The following MEGF11 variants were observed in gnomAD, a reference collection of about 807,000 sequenced individuals.
MEGF11 encodes the protein multiple epidermal growth factor-like domains protein 11.
A neutral mutation model predicts 146.6 loss-of-function variants in MEGF11; 126 were observed. That is an observed-to-expected ratio of 0.86 (90% CI 0.74 to 1.00). The LOEUF is 1.00. Ranked by LOEUF, MEGF11 falls within the 50% of genes least tolerant of loss-of-function variation. MEGF11 has a pLI of 0.00. For missense variants in MEGF11, 1,509 were observed against 1,521.2 expected, an observed-to-expected ratio of 0.99 and a Z score of 0.13; for synonymous variants, 532 against 583.4, an observed-to-expected ratio of 0.91 and a Z score of 1.27.
chr15:65,913,614 G>C (rs2078888016), intron 20 of MEGF11, 123 bp downstream of exon 20: 2 of 832,982 alleles, frequency 2.4e-6, no homozygotes, highest in Non-Finnish European at 3.9e-6. Context: ...CATCCCCACT[G>C]TCACTCTAGG....
chr15:65,900,233 GGAT>G (rs1326642457), intron 24 of MEGF11, among the ~76,000 whole-genome samples: 1 of 152,176 alleles, frequency 6.6e-6, no homozygotes, highest in Non-Finnish European at 1.5e-5. Context: ...TGAAATTCTT[GGAT>G]GATCTGTCAC....
At chr15:66,005,746 G>T (rs1032303491) in intron 5 of MEGF11, among the ~76,000 whole-genome samples, 1 of 152,224 alleles carries the variant, frequency 6.6e-6, no homozygotes, top group Non-Finnish European at 1.5e-5. Context: ...CTGAGGGACA[G>T]TGTCATCGTG....
At chr15:66,146,623 C>T (rs35259179) in intron 1 of MEGF11, among the ~76,000 whole-genome samples, 24,818 of 152,292 alleles carry the variant, frequency 0.16, 2,686 homozygotes, top group Non-Finnish European at 0.25. Flanking sequence ...GTGGGGACCC[C>T]GCTGAGCACA....
intron 7 of MEGF11, among the ~76,000 whole-genome samples, chr15:65,977,520 C>A (rs1447483643): frequency 6.7e-6 from 1 of 148,236 alleles, no homozygotes; most frequent in African/African-American, 2.5e-5. Context: ...TGCTCTGTCA[C>A]CCAGGTTGGA....
intron 1 of MEGF11, 76 bp from the exon 2 acceptor site, chr15:66,128,487 T>C (rs2088488157): frequency 6.2e-6 from 5 of 802,142 alleles, no homozygotes; most frequent in Non-Finnish European, 9.0e-6. Context: ...CCCATCGTCG[T>C]GGGTAATGAG....
chr15:65,992,461 G>GGT (rs2082081656), intron 5 of MEGF11, among the ~76,000 whole-genome samples: 1 of 126,678 alleles, frequency 7.9e-6, no homozygotes, highest in Non-Finnish European at 1.7e-5. Context: ...GGGGGGGGGG[G>GGT]TTAGTCACAT....
chr15:66,108,108 G>A (rs942099890), intron 4 of MEGF11, among the ~76,000 whole-genome samples: 1 of 152,222 alleles, frequency 6.6e-6, no homozygotes, highest in African/African-American at 2.4e-5. Context: ...CAGGGAATGA[G>A]AGAATGTGGA....
intron 1 of MEGF11, among the ~76,000 whole-genome samples, chr15:66,158,285 G>T (rs1314558689): frequency 6.6e-6 from 1 of 152,250 alleles, no homozygotes; most frequent in African/African-American, 2.4e-5. Context: ...ACAGTCAGGA[G>T]CTTCGTGTGG....
intron 4 of MEGF11, among the ~76,000 whole-genome samples, chr15:66,103,733 T>C (rs185749818): frequency 6.6e-6 from 1 of 152,236 alleles, no homozygotes; most frequent in South Asian, 2.1e-4. Flanking sequence ...TCCTATTTTG[T>C]AGATGAGGAA....
Position 65,898,897 on chromosome 15 carries a change from A to G in MEGF11, c.3093T>C (p.Cys1031=). 2 of 1,613,992 alleles carry G rather than the reference A, an allele frequency of 1.2e-6. No individual in the cohort carries two copies. Among genetic ancestry groups the G allele is most frequent in the Non-Finnish European group, 1.7e-6 (2 of 1,179,846 alleles). Residue 1031 remains cysteine (C), a synonymous_variant, in exon 25 of 26, where the codon TGT becomes TGC. Transcript: ENST00000395614. ...MKESVCSSST[C]SLNSSENPYA... ...AAGGGTTTTCACTGCTATTCAAGGAACAAGTACTAGAACTGCACACGGATT... is the reference window on the plus strand; with the variant it reads ...AAGGGTTTTCACTGCTATTCAAGGAGCAAGTACTAGAACTGCACACGGATT...
chr15:66,243,813 GA>G (rs1378969601), intron 1 of MEGF11, among the ~76,000 whole-genome samples: 1 of 152,132 alleles, frequency 6.6e-6, no homozygotes, highest in East Asian at 1.9e-4. Flanking sequence ...TTTGGTCTGA[GA>G]AAAGATAGGC....
intron 5 of MEGF11, among the ~76,000 whole-genome samples, chr15:66,015,989 G>A (rs1003095524): frequency 6.7e-6 from 1 of 149,042 alleles, no homozygotes; most frequent in African/African-American, 2.5e-5. Flanking sequence ...GGGTGGGTGG[G>A]TAGGCATTGG....
At chr15:66,095,648 C>T (rs953128319) in intron 4 of MEGF11, among the ~76,000 whole-genome samples, 4 of 152,170 alleles carry the variant, frequency 2.6e-5, no homozygotes, top group Admixed American at 6.5e-5. Flanking sequence ...AAACTGACCC[C>T]GAAGCTGCTG....
chr15:66,015,133 C>G (rs549935325), intron 5 of MEGF11, among the ~76,000 whole-genome samples: 2 of 152,200 alleles, frequency 1.3e-5, no homozygotes, highest in African/African-American at 4.8e-5. Context: ...CACAACAGCA[C>G]GGCACACAGT....
chr15:66,168,071 C>T (rs939818959), intron 1 of MEGF11, among the ~76,000 whole-genome samples: 12 of 152,074 alleles, frequency 7.9e-5, no homozygotes, highest in Admixed American at 3.3e-4. Flanking sequence ...CTTGCTTATA[C>T]GCGATTCCTC....
chr15:65,985,953 ATTTTT>A (rs60520972), intron 5 of MEGF11, among the ~76,000 whole-genome samples: 1 of 140,328 alleles, frequency 7.1e-6, no homozygotes. Flanking sequence ...TTGTGTCTGC[ATTTTT>A]TTTTTTTTTT....
At position 66,177,383 on chromosome 15, in the gene MEGF11, T is replaced by A. The variant is rs1423386121; in HGVS notation, c.-8-48972A>T. Among the ~76,000 whole-genome samples, 3 of 152,116 alleles carry A rather than the reference T, an allele frequency of 2.0e-5. No homozygotes were observed. In the East Asian group the frequency reaches 5.8e-4, roughly 29 times the overall value. Reference sequence around the variant, plus strand: ...AGACAATAATTATTTTCCACTGAATTTTTTGTGTTTAATTTGTGGTGACTA... The same window carrying A: ...AGACAATAATTATTTTCCACTGAATATTTTGTGTTTAATTTGTGGTGACTA... On this transcript the variant is annotated intron_variant, in intron 1 of 25. Transcript: ENST00000395614.
At chr15:66,191,721 C>T (rs76728945) in intron 1 of MEGF11, among the ~76,000 whole-genome samples, 3,597 of 152,230 alleles carry the variant, frequency 0.024, 65 homozygotes, top group Non-Finnish European at 0.035. Flanking sequence ...ATGACACTGT[C>T]TTATCTTGAT....
At position 65,941,276 on chromosome 15, in the gene MEGF11, C is replaced by T. The variant is rs114819343; in HGVS notation, c.1288-10333G>A. Among the ~76,000 whole-genome samples the T allele has an allele frequency of 3.8e-3, 580 of 152,028 alleles. 5 individuals carry two copies. The highest frequency in any genetic ancestry group is 0.014 in the African/African-American group (564 of 41,468). The stretch of plus-strand genomic sequence containing the variant: ...ACTAAAAATACAAAAATTAGTTGGG[C>T]GTCGTGGCAGGCATCTGTAATCCCA... On this transcript the variant is annotated intron_variant, in intron 10 of 25. Transcript: ENST00000395614.
Sources: allele counts gnomAD v4.1 joint callset (sites outside exome capture counted in the v4.1 genomes callset), GRCh38; gene constraint gnomAD v4.1.1; transcripts MANE v1.5; gene names NCBI Gene and HGNC (gene_info 2026-07-23, HGNC 2026-07-21).